Variants in CDH4 observed in about 807,000 individuals in gnomAD.
CDH4 encodes the protein cadherin 4.
A neutral mutation model predicts 86.0 loss-of-function variants in CDH4; 33 were observed. The ratio of observed to expected loss-of-function variants is 0.38; its 90% CI spans 0.29 to 0.51. The LOEUF is 0.51. Among genes scored for constraint, CDH4 ranks in the 20% least tolerant of loss-of-function variants. CDH4 has a pLI of 0.86. For synonymous variants in CDH4, 555 were observed against 549.4 expected (o/e 1.01, Z -0.14); for missense variants, 1,114 against 1,307.4 (o/e 0.85, Z 2.28).
intron 2 of CDH4, among the ~76,000 whole-genome samples, chr20:61,625,666 A>C (rs2145780543): frequency 6.6e-6 from 1 of 152,332 alleles, no homozygotes; most frequent in South Asian, 2.1e-4. Flanking sequence ...ACTTGGTTGT[A>C]TGAGCAGACA....
intron 2 of CDH4, among the ~76,000 whole-genome samples, chr20:61,461,734 G>A (rs997874115): frequency 2.6e-5 from 4 of 152,302 alleles, no homozygotes; most frequent in Middle Eastern, 3.4e-3. Context: ...TAACCTGTGC[G>A]CTGACCTGGA....
chr20:61,713,054 G>C (rs531083283), intron 2 of CDH4, among the ~76,000 whole-genome samples: 1 of 152,194 alleles, frequency 6.6e-6, no homozygotes, highest in Non-Finnish European at 1.5e-5. Context: ...GTCCACTGTC[G>C]TTCACTCATG....
chr20:61,570,468 C>T (rs2086333262), intron 2 of CDH4: 4 of 565,368 alleles, frequency 7.1e-6, no homozygotes, highest in East Asian at 2.9e-5. Context: ...ATTGCTTCTT[C>T]CCAGAGGCTG....
At chr20:61,693,773 C>T (rs2087685898) in intron 2 of CDH4, among the ~76,000 whole-genome samples, 1 of 152,116 alleles carries the variant, frequency 6.6e-6, no homozygotes, top group South Asian at 2.1e-4. Context: ...AACAATCATG[C>T]CCCCCATAAT....
chr20:61,645,432 G>A (rs971941084), intron 2 of CDH4, among the ~76,000 whole-genome samples: 6 of 152,114 alleles, frequency 3.9e-5, no homozygotes, highest in African/African-American at 1.4e-4. Flanking sequence ...TTTGAAACCA[G>A]CTGAGGCAAC....
At chr20:61,289,343 C>T (rs931544006) in intron 2 of CDH4, among the ~76,000 whole-genome samples, 5 of 152,238 alleles carry the variant, frequency 3.3e-5, no homozygotes, top group African/African-American at 1.2e-4. Context: ...GAGCCAGGAT[C>T]TGACCCAGGG....
At chr20:61,735,921 A>T (rs944238390) in intron 2 of CDH4, among the ~76,000 whole-genome samples, 1 of 152,198 alleles carries the variant, frequency 6.6e-6, no homozygotes, top group East Asian at 1.9e-4. Context: ...CCACCGCAAC[A>T]GCCTTCTAAC....
rs1440223135 is a variant in CDH4 at position 61,924,318 on chromosome 20, C to T, written c.1629-16C>T. The T allele has an allele frequency of 1.2e-6, 2 of 1,608,984 alleles. No individual in the cohort carries two copies. Among genetic ancestry groups the T allele is most frequent in the Non-Finnish European group, 1.7e-6 (2 of 1,178,108 alleles). On this transcript the variant is annotated splice_polypyrimidine_tract_variant and intron_variant, in intron 10 of 15. Transcript: ENST00000614565. ...ACCCCCAGCCTTACCTCCCCCTGCA[C>T]TTGTGGTCTCCGCAGATACTCAAAG...
intron 2 of CDH4, among the ~76,000 whole-genome samples, chr20:61,592,732 A>G (rs1002810031): frequency 1.3e-5 from 2 of 152,190 alleles, no homozygotes; most frequent in South Asian, 4.2e-4. Flanking sequence ...ACTCCCACGC[A>G]GTCTTCTGGG....
intron 2 of CDH4, among the ~76,000 whole-genome samples, chr20:61,562,249 C>T (rs1254659017): frequency 8.0e-5 from 5 of 62,620 alleles, no homozygotes; most frequent in Non-Finnish European, 1.2e-4. Context: ...CCAGGGCTCC[C>T]GGAGAGAGAG....
chr20:61,731,276 A>G (rs1027053378), intron 2 of CDH4, among the ~76,000 whole-genome samples: 2 of 151,276 alleles, frequency 1.3e-5, no homozygotes, highest in African/African-American at 4.9e-5. Flanking sequence ...CATTCTCCTC[A>G]CCCCTCGGCC....
At chr20:61,877,866 G>A (rs6061879) in intron 7 of CDH4, among the ~76,000 whole-genome samples, 135 of 152,258 alleles carry the variant, frequency 8.9e-4, no homozygotes, top group African/African-American at 2.8e-3. Context: ...CATGACCCCC[G>A]GAACGTCCCT....
intron 2 of CDH4, among the ~76,000 whole-genome samples, chr20:61,731,160 C>T (rs1304365846): frequency 6.6e-6 from 1 of 152,072 alleles, no homozygotes; most frequent in East Asian, 1.9e-4. Context: ...GTCCGAGTCC[C>T]CCCCTCAGCC....
intron 7 of CDH4, 65 bp downstream of exon 7, chr20:61,873,965 A>ACCCTCGGGGAGCCTCTCCAGTGGCG: frequency 6.4e-7 from 1 of 1,557,186 alleles, no homozygotes; most frequent in Non-Finnish European, 8.8e-7. Context: ...CACCCACAGG[A>ACCCTCGGGGAGCCTCTCCAGTGGCG]CCCTCGGGGA....
intron 7 of CDH4, among the ~76,000 whole-genome samples, chr20:61,878,124 G>T (rs1305507792): frequency 6.6e-6 from 1 of 152,058 alleles, no homozygotes; most frequent in African/African-American, 2.4e-5. Flanking sequence ...GCAAAGCTAA[G>T]GCCCCATCGT....
At chr20:61,534,681 T>TC (rs997659368) in intron 2 of CDH4, among the ~76,000 whole-genome samples, 18 of 145,086 alleles carry the variant, frequency 1.2e-4, no homozygotes, top group Non-Finnish European at 2.4e-4. Flanking sequence ...TTTTTTTTTT[T>TC]TTTTTTGAGG....
chr20:61,274,029 G>GT (rs1167668798), intron 2 of CDH4, among the ~76,000 whole-genome samples: 40 of 145,394 alleles, frequency 2.8e-4, no homozygotes, highest in African/African-American at 1.0e-3. Flanking sequence ...GGAGTACCGT[G>GT]TGCAGTTTGG....
At chr20:61,358,369 C>G (rs2084764872) in intron 2 of CDH4, among the ~76,000 whole-genome samples, 1 of 152,206 alleles carries the variant, frequency 6.6e-6, no homozygotes, top group Non-Finnish European at 1.5e-5. Flanking sequence ...GCAGGCCTGA[C>G]ACTGACCTCC....
chr20:61,570,416 T>C, intron 2 of CDH4: 1 of 472,992 alleles, frequency 2.1e-6, no homozygotes, highest in South Asian at 3.1e-5. Context: ...GACGTACACT[T>C]TGGGCTTCAG....
Sources: allele counts gnomAD v4.1 joint callset (sites outside exome capture counted in the v4.1 genomes callset), GRCh38; gene constraint gnomAD v4.1.1; transcripts MANE v1.5; gene names NCBI Gene and HGNC (gene_info 2026-07-23, HGNC 2026-07-21).